ATP8A1: variants seen among roughly 807,000 people sequenced by gnomAD.
The protein encoded by ATP8A1 is phospholipid-transporting ATPase IA.
In ATP8A1, 90 loss-of-function variants were observed where a neutral mutation model predicts 177.7. The ratio of observed to expected loss-of-function variants is 0.51; its 90% CI spans 0.43 to 0.60. ATP8A1 has a LOEUF of 0.60. ATP8A1 is among the 20% of genes least tolerant of loss of function. The pLI is 0.00. For synonymous variants in ATP8A1, 493 were observed against 485.9 expected (o/e 1.01, Z -0.19); for missense variants, 1,072 against 1,392.8 (o/e 0.77, Z 3.67).
At chr4:42,622,580 A>G (rs1473320460) in intron 4 of ATP8A1, among the ~76,000 whole-genome samples, 1 of 152,030 alleles carries the variant, frequency 6.6e-6, no homozygotes, top group African/African-American at 2.4e-5. Flanking sequence ...ACAGCAAAAA[A>G]GAAAAAAAAA....
At chr4:42,425,457 A>G (rs577243425) in intron 33 of ATP8A1, among the ~76,000 whole-genome samples, 1 of 152,290 alleles carries the variant, frequency 6.6e-6, no homozygotes, top group South Asian at 2.1e-4. Flanking sequence ...CATATCTGAA[A>G]GCCTGTCAGT....
At chr4:42,437,186 T>C (rs761970942) in intron 33 of ATP8A1, among the ~76,000 whole-genome samples, 1 of 152,232 alleles carries the variant, frequency 6.6e-6, no homozygotes, top group Non-Finnish European at 1.5e-5. Flanking sequence ...GTTTTGCTGA[T>C]ACTAAGCTTC....
intron 33 of ATP8A1, among the ~76,000 whole-genome samples, chr4:42,427,282 C>A (rs544549891): frequency 6.6e-6 from 1 of 152,180 alleles, no homozygotes; most frequent in African/African-American, 2.4e-5. Flanking sequence ...ACATGAAATT[C>A]TGGGTTAATA....
At chr4:42,524,581 GT>G in intron 21 of ATP8A1, among the ~76,000 whole-genome samples, 181 bp downstream of exon 21, 1 of 152,096 alleles carries the variant, frequency 6.6e-6, no homozygotes, top group African/African-American at 2.4e-5. Context: ...AATAAATATA[GT>G]TTTAGGAAAG....
chr4:42,628,409 A>G (rs1738347728), intron 1 of ATP8A1, among the ~76,000 whole-genome samples: 2 of 152,306 alleles, frequency 1.3e-5, no homozygotes, highest in South Asian at 4.1e-4. Context: ...GCTGGAGCAC[A>G]GACAGAAGGC....
chr4:42,572,940 C>T (rs1732051318), intron 14 of ATP8A1, among the ~76,000 whole-genome samples: 2 of 152,188 alleles, frequency 1.3e-5, no homozygotes, highest in South Asian at 4.1e-4. Flanking sequence ...ATTCACTTCA[C>T]TGGCAATTTA....
chr4:42,644,638 G>A (rs750674577), intron 1 of ATP8A1, among the ~76,000 whole-genome samples: 6 of 151,752 alleles, frequency 4.0e-5, no homozygotes, highest in Non-Finnish European at 5.9e-5. Flanking sequence ...TCCCCAGAGC[G>A]TCAAGTGATA....
Position 42,549,003 on chromosome 4 carries a change from G to C in ATP8A1, c.1652+10C>G, listed in dbSNP as rs201650577. 9.4e-6 allele frequency: 15 copies of C among 1,602,312 alleles called. No homozygotes were observed. Among genetic ancestry groups the C allele is most frequent in the African/African-American group, 1.3e-5 (1 of 74,636 alleles). On this transcript the variant is annotated intron_variant, in intron 19 of 36. Coordinates refer to ENST00000381668, the MANE Select transcript of ATP8A1 (RefSeq NM_006095.2). ...TCTTATCCATACAAATCACTGAGCAGATGTTTTACCTGGTAAACTCCAAGA... is the reference window on the plus strand; with the variant it reads ...TCTTATCCATACAAATCACTGAGCACATGTTTTACCTGGTAAACTCCAAGA...
In ATP8A1 at chr4:42,417,743, T is replaced by G. The variant is rs142371873; in HGVS notation, c.3306-3025A>C. 1.1e-4 allele frequency among the ~76,000 whole-genome samples: 16 copies of G among 152,290 alleles called. No individual in the cohort carries two copies. The East Asian group carries it at 2.3e-3, about 22-fold the overall frequency. The stretch of plus-strand genomic sequence containing the variant: ...TGATAAGCTATTTAGGTTGACTCAT[T>G]AAAATAAATCTCCAAAAAGTACGTA... On this transcript the variant is annotated intron_variant, in intron 35 of 36. Transcript: ENST00000381668.
At chr4:42,533,454 T>A (rs911598235) in intron 20 of ATP8A1, among the ~76,000 whole-genome samples, 1 of 152,048 alleles carries the variant, frequency 6.6e-6, no homozygotes, top group Non-Finnish European at 1.5e-5. Context: ...ATAACTCCAT[T>A]GGCCTGGGAA....
intron 22 of ATP8A1, among the ~76,000 whole-genome samples, chr4:42,507,769 G>A (rs1394023788): frequency 7.3e-5 from 2 of 27,516 alleles, no homozygotes; most frequent in Non-Finnish European, 1.5e-4. Context: ...AGTTAAAAAG[G>A]ACAGGCATTC....
Position 42,522,157 on chromosome 4 carries a change from TA to T in ATP8A1, c.1947+2del. ...TGTATGATCAACAGAATCATCCACGTACCTTTTCAATCAACTCATAACTCTC... is the reference window on the plus strand; with the variant it reads ...TGTATGATCAACAGAATCATCCACGTCCTTTTCAATCAACTCATAACTCTC... On this transcript the variant is annotated splice_donor_variant, in intron 22 of 36. Coordinates refer to ENST00000381668, the MANE Select transcript of ATP8A1 (RefSeq NM_006095.2). LOFTEE classifies it high-confidence loss of function. 6.2e-7 allele frequency: 1 copy of T among 1,605,874 alleles called. No homozygotes were observed. The highest frequency in any genetic ancestry group is 1.3e-5 in the African/African-American group (1 of 74,654).
intron 7 of ATP8A1, among the ~76,000 whole-genome samples, chr4:42,589,787 A>G (rs1733972833): frequency 6.6e-6 from 1 of 152,230 alleles, no homozygotes; most frequent in African/African-American, 2.4e-5. Context: ...GCACGATGAC[A>G]AAGAAAATAC....
At chr4:42,649,825 A>AT (rs1446517457) in intron 1 of ATP8A1, among the ~76,000 whole-genome samples, 2 of 152,176 alleles carry the variant, frequency 1.3e-5, no homozygotes, top group Non-Finnish European at 2.9e-5. Flanking sequence ...AGGCATTTTC[A>AT]TCTTTAGGAC....
intron 15 of ATP8A1, among the ~76,000 whole-genome samples, chr4:42,557,548 A>G (rs1179151797): frequency 6.6e-6 from 1 of 152,232 alleles, no homozygotes; most frequent in East Asian, 1.9e-4. Flanking sequence ...TAATCTCACC[A>G]ATAATTCTTT....
chr4:42,574,919 C>T (rs1732289193), intron 13 of ATP8A1, among the ~76,000 whole-genome samples: 3 of 152,146 alleles, frequency 2.0e-5, no homozygotes, highest in African/African-American at 7.2e-5. Context: ...AAGACTATCA[C>T]CATACTAGAA....
chr4:42,591,748 C>T (rs928536111), intron 6 of ATP8A1, among the ~76,000 whole-genome samples: 5 of 151,998 alleles, frequency 3.3e-5, no homozygotes, highest in African/African-American at 9.7e-5. Context: ...TGAAAGCCTA[C>T]GAAACACAGT....
intron 25 of ATP8A1, among the ~76,000 whole-genome samples, chr4:42,472,646 A>T (rs1720561864): frequency 6.6e-6 from 1 of 151,946 alleles, no homozygotes; most frequent in African/African-American, 2.4e-5. Context: ...CGGGATGCTA[A>T]GCCAGGAGAA....
At chr4:42,647,084 G>A (rs2612521) in intron 1 of ATP8A1, among the ~76,000 whole-genome samples, 37,035 of 149,490 alleles carry the variant, frequency 0.25, 4,749 homozygotes, top group Non-Finnish European at 0.29. Context: ...ATGCCACAAT[G>A]TACTTACATA....
Sources: gnomAD v4.1 joint callset for allele counts (sites outside exome capture counted in the v4.1 genomes callset) on GRCh38, gnomAD v4.1.1 for gene constraint, MANE v1.5 for transcripts, NCBI Gene and HGNC (gene_info 2026-07-23, HGNC 2026-07-21) for gene names.